Variants in HOOK2 observed in about 807,000 individuals in gnomAD.
HOOK2 encodes protein Hook homolog 2.
Under a neutral mutation model 111.9 loss-of-function variants are expected in HOOK2, and 108 were observed. That is an observed-to-expected ratio of 0.96 (90% confidence interval 0.83 to 1.13). The LOEUF is 1.13. Among genes scored for constraint, HOOK2 ranks in the 50% most tolerant of loss-of-function variants. The pLI, the probability that HOOK2 is intolerant of heterozygous loss-of-function variation, is 0.00. For missense variants in HOOK2, 978 were observed against 951.3 expected (o/e 1.03, Z -0.37); for synonymous variants, 405 against 394.3 (o/e 1.03, Z -0.32).
At position 12,786,779 on chromosome 19, in the gene HOOK2, CAG is replaced by C. The variant is rs1968661861; in HGVS notation, n.42-12556_42-12555del. Reference sequence around the variant, plus strand: ...TCCACCCCGTGCTCAAACACCCATGCAGAGTGTTTGGAGGAACCCTACTCCCA... The same window carrying C: ...TCCACCCCGTGCTCAAACACCCATGCAGTGTTTGGAGGAACCCTACTCCCA... On this transcript the variant is annotated intron_variant and non_coding_transcript_variant, in intron 3 of 3. Coordinates refer to the HOOK2 transcript ENST00000589765. This position sits in a 1 kb window ranked among gnomAD's most constrained non-coding sequence, Gnocchi z 4.3. 6.6e-6 allele frequency among the ~76,000 whole-genome samples: 1 copy of C among 152,220 alleles called. No individual in the cohort carries two copies. Among genetic ancestry groups the C allele is most frequent in the Non-Finnish European group, 1.5e-5 (1 of 68,032 alleles).
chr19:12,771,432 C>G lies in HOOK2; in HGVS notation c.565G>C (p.Glu189Gln). Residue 189 changes from glutamate to glutamine, a missense_variant, in exon 8 of 23, where the codon GAA becomes CAA. Glu to Gln is a conservative substitution (Grantham distance 29, BLOSUM62 2). Transcript: ENST00000397668. ...FLSEEAEEGD[E>Q]LQQRCLDLER... ...AGATCCAGACAGCGCTGCTGTAATT[C>G]GTCCCCCTCCTCAGCCTCCTCACTT... The G allele has an allele frequency of 6.2e-7, 1 of 1,613,692 alleles. No homozygotes were observed. Among genetic ancestry groups the G allele is most frequent in the Non-Finnish European group, 8.5e-7 (1 of 1,179,838 alleles).
intron 1 of HOOK2, 39 bp downstream of exon 1, chr19:12,775,366 C>T: frequency 6.2e-7 from 1 of 1,601,498 alleles, no homozygotes; most frequent in Non-Finnish European, 8.5e-7. Context: ...GCAAGAGGAG[C>T]GGGCGCTCAC....
intron 20 of HOOK2, 185 bp downstream of exon 20, chr19:12,764,629 G>T: frequency 1.6e-6 from 1 of 627,760 alleles, no homozygotes; most frequent in Non-Finnish European, 2.8e-6. Context: ...CACCCAGCCA[G>T]CTGTGCAGTA....
At chr19:12,767,028 C>A (rs951765126) in intron 14 of HOOK2, among the ~76,000 whole-genome samples, 1 of 152,168 alleles carries the variant, frequency 6.6e-6, no homozygotes, top group Non-Finnish European at 1.5e-5. Flanking sequence ...CCGTGCCTGG[C>A]CCGGGGTGGG....
At position 12,791,177 on chromosome 19, in the gene HOOK2, A is replaced by G. The variant is rs1426237553; in HGVS notation, n.42-16952T>C. On this transcript the variant is annotated intron_variant and non_coding_transcript_variant, in intron 3 of 3. Coordinates refer to the HOOK2 transcript ENST00000589765. This position sits in a 1 kb window ranked among gnomAD's most constrained non-coding sequence, Gnocchi z 7.0. ...CGTACCAGGTCCTGGTATTTGTCCC[A>G]GTGGACTCCAGGGAAATCATCCTCC... 6.6e-6 allele frequency among the ~76,000 whole-genome samples: 1 copy of G among 152,120 alleles called. No individual in the cohort carries two copies. The highest frequency in any genetic ancestry group is 1.5e-5 in the Non-Finnish European group (1 of 68,016).
chr19:12,781,516 C>T (rs11671178), upstream of HOOK2, among the ~76,000 whole-genome samples: 1,163 of 151,596 alleles, frequency 7.7e-3, 9 homozygotes, highest in Non-Finnish European at 0.011. Context: ...TTAGTAGAGA[C>T]GGGGTTTCAG....
chr19:12,767,940 G>A (rs915180573), intron 12 of HOOK2, 37 bp from the exon 13 acceptor site: 2 of 1,610,646 alleles, frequency 1.2e-6, no homozygotes, highest in African/African-American at 2.7e-5. Flanking sequence ...CACGGGTCAG[G>A]CTCGGCCTCC....
intron 3 of HOOK2, 115 bp from the exon 4 acceptor site, chr19:12,773,159 C>T: frequency 1.0e-6 from 1 of 981,168 alleles, no homozygotes; most frequent in South Asian, 1.3e-5. Context: ...CCTATTCTGT[C>T]TGCGTGCGCC....
chr19:12,789,201 G>GAGAGAGAGAGACAGAGAC (rs1568380934), intron 3 of HOOK2, among the ~76,000 whole-genome samples: 2 of 121,694 alleles, frequency 1.6e-5, no homozygotes, highest in Non-Finnish European at 3.1e-5. Flanking sequence ...GACAAAGAGA[G>GAGAGAGAGAGACAGAGAC]AGAGAGAGAG....
rs1189876009 is a variant in HOOK2 at position 12,790,767 on chromosome 19, A to C, written n.42-16542T>G. On this transcript the variant is annotated intron_variant and non_coding_transcript_variant, in intron 3 of 3. Coordinates refer to the HOOK2 transcript ENST00000589765. This position sits in a 1 kb window ranked among gnomAD's most constrained non-coding sequence, Gnocchi z 7.2. ...TGCCTCAGTGTACCCCAGGCCGCTT[A>C]CTAGCTTTCTGCATATCTAGACTTC... 2.6e-5 allele frequency among the ~76,000 whole-genome samples: 4 copies of C among 152,134 alleles called. No individual in the cohort carries two copies. The highest frequency in any genetic ancestry group is 9.7e-5 in the African/African-American group (4 of 41,426).
chr19:12,768,197 C>A lies in HOOK2; in HGVS notation c.1105-74G>T, dbSNP rs79465170. The A allele has an allele frequency of 9.3e-6, 11 of 1,178,452 alleles. No individual in the cohort carries two copies. The East Asian group carries it at 2.6e-4, about 28-fold the overall frequency. The allele number at this position is 1,178,452 out of a possible 1,614,324, so 73.0% of individuals were successfully genotyped here. On this transcript the variant is annotated intron_variant, in intron 11 of 22. Coordinates refer to ENST00000397668, the MANE Select transcript of HOOK2 (RefSeq NM_013312.3). ...GCAGGGGCTGAGTACAAATGGTCCC[C>A]GATCCAGGATGCTTTGACTTATTAT...
upstream of HOOK2, among the ~76,000 whole-genome samples, chr19:12,782,776 C>G (rs1968618311): frequency 6.6e-6 from 1 of 152,190 alleles, no homozygotes; most frequent in Non-Finnish European, 1.5e-5. Flanking sequence ...TAACCCCTTC[C>G]TGCCCGATCC....
In HOOK2 at chr19:12,765,970, T is replaced by C. The variant is rs758980086; in HGVS notation, c.1556A>G (p.Asp519Gly). The C allele has an allele frequency of 6.2e-7, 1 of 1,614,020 alleles. No individual in the cohort carries two copies. The highest frequency in any genetic ancestry group is 8.5e-7 in the Non-Finnish European group (1 of 1,179,990). ...QLSELRAQVE[D>G]LQKALQEQGG... ...CTGCTCCTGCAGGGCTTTCTGCAGGTCCTCCACCTGGGCCCGCAGCTCGGA... is the reference window on the plus strand; with the variant it reads ...CTGCTCCTGCAGGGCTTTCTGCAGGCCCTCCACCTGGGCCCGCAGCTCGGA... Residue 519 changes from aspartate to glycine, a missense_variant, in exon 16 of 23, where the codon GAC becomes GGC. By Grantham distance (94) the Asp-to-Gly change is moderately conservative (BLOSUM62 -1). Coordinates refer to ENST00000397668, the MANE Select transcript of HOOK2 (RefSeq NM_013312.3).
At chr19:12,774,636 A>T in intron 3 of HOOK2, 33 bp downstream of exon 3, 2 of 1,610,290 alleles carry the variant, frequency 1.2e-6, no homozygotes, top group Non-Finnish European at 1.7e-6. Context: ...TCTCTTCACC[A>T]GTCTGTCCTC....
chr19:12,789,728 C>T (rs1229047696), intron 3 of HOOK2, among the ~76,000 whole-genome samples: 1 of 151,170 alleles, frequency 6.6e-6, no homozygotes, highest in African/African-American at 2.4e-5. Flanking sequence ...ACCTGCCGGG[C>T]TGGGTTGGGC....
upstream of HOOK2, among the ~76,000 whole-genome samples, chr19:12,782,897 G>C (rs1309110178): frequency 7.3e-6 from 1 of 136,832 alleles, no homozygotes; most frequent in African/African-American, 2.8e-5. Context: ...CCCCCCCCCA[G>C]TTGCCATGGG....
Position 12,766,148 on chromosome 19 carries a change from A to G in HOOK2, c.1466T>C (p.Leu489Pro). 6.2e-7 allele frequency: 1 copy of G among 1,601,174 alleles called. No homozygotes were observed. Among genetic ancestry groups the G allele is most frequent in the Non-Finnish European group, 8.5e-7 (1 of 1,179,166 alleles). Residue 489 changes from leucine (L) to proline (P), a missense_variant, in exon 15 of 23, where the codon CTG becomes CCG. Transcript: ENST00000397668. Reference protein sequence around the residue: ...RERQEELQRHLEDANRARHGL... With the variant: ...RERQEELQRHPEDANRARHGL... ...GTGGCGCGCGCGGTTGGCATCCTCC[A>G]GGTGGCGCTGCAGCTCCTCCTGCCG...
chr19:12,773,800 G>T (rs567930452), intron 3 of HOOK2, among the ~76,000 whole-genome samples: 2 of 152,180 alleles, frequency 1.3e-5, no homozygotes, highest in African/African-American at 2.4e-5. Context: ...CTTAAAAATA[G>T]AATCCACACC....
chr19:12,763,476 C>A (rs1489142784), intron 22 of HOOK2, 45 bp from the exon 23 acceptor site: 3 of 1,613,536 alleles, frequency 1.9e-6, no homozygotes, highest in South Asian at 2.2e-5. Flanking sequence ...TCACAGGACC[C>A]CCCCACCAAT....
Sources: gnomAD v4.1 joint callset for allele counts (sites outside exome capture counted in the v4.1 genomes callset) on GRCh38, gnomAD v4.1.1 for gene constraint, Gnocchi (gnomAD v3.1) non-coding constraint, MANE v1.5 for transcripts, NCBI Gene and HGNC (gene_info 2026-07-23, HGNC 2026-07-21) for gene names.